ARHGAP10: variants seen among roughly 807,000 people sequenced by gnomAD.
ARHGAP10 encodes Rho GTPase activating protein 10.
A neutral mutation model predicts 108.6 loss-of-function variants in ARHGAP10; 87 were observed. The observed-to-expected ratio is 0.80, with a 90% CI of 0.67 to 0.96. The LOEUF (loss-of-function observed/expected upper bound fraction) is 0.96. ARHGAP10 is among the 40% of genes least tolerant of loss of function. ARHGAP10 has a pLI of 0.00. For synonymous variants in ARHGAP10, 347 were observed against 341.1 expected (o/e 1.02, Z -0.19); for missense variants, 939 against 954.5 (o/e 0.98, Z 0.21).
intron 7 of ARHGAP10, among the ~76,000 whole-genome samples, chr4:147,871,250 G>A (rs925636006): frequency 7.9e-5 from 12 of 151,988 alleles, no homozygotes; most frequent in African/African-American, 2.4e-4. Flanking sequence ...GAGCCACCAC[G>A]TCCGGCCGTG....
chr4:148,038,608 TAGA>T (rs1728484325), intron 19 of ARHGAP10, among the ~76,000 whole-genome samples: 1 of 152,140 alleles, frequency 6.6e-6, no homozygotes. Context: ...ACAGCATCAT[TAGA>T]AGAGACACAT....
At chr4:147,792,104 C>T (rs958045944) in intron 1 of ARHGAP10, among the ~76,000 whole-genome samples, 5 of 152,202 alleles carry the variant, frequency 3.3e-5, no homozygotes, top group South Asian at 2.1e-4. Flanking sequence ...CACCTTTACT[C>T]GATAGTACAC....
chr4:147,784,607 T>A (rs1306147971), intron 1 of ARHGAP10, among the ~76,000 whole-genome samples: 12 of 112,552 alleles, frequency 1.1e-4, no homozygotes, highest in African/African-American at 3.8e-4. Context: ...ATTATATATT[T>A]AAAATAGAAT....
At chr4:147,926,989 G>T (rs1737488403) in intron 13 of ARHGAP10, among the ~76,000 whole-genome samples, 1 of 152,160 alleles carries the variant, frequency 6.6e-6, no homozygotes, top group South Asian at 2.1e-4. Flanking sequence ...ATGAGCCCCT[G>T]AAGTGAAGAA....
chr4:147,890,695 T>C (rs1735765321), intron 10 of ARHGAP10, among the ~76,000 whole-genome samples: 1 of 151,992 alleles, frequency 6.6e-6, no homozygotes, highest in South Asian at 2.1e-4. Context: ...GGTGTGGTGG[T>C]GGGTGCCTAT....
intron 7 of ARHGAP10, among the ~76,000 whole-genome samples, chr4:147,874,040 A>G (rs1449204279): frequency 6.6e-6 from 1 of 151,678 alleles, no homozygotes; most frequent in African/African-American, 2.4e-5. Flanking sequence ...AAAAAACAAC[A>G]AACCTCTGCA....
rs913591224 is a variant in ARHGAP10 at position 147,937,139 on chromosome 4, G to A, written c.1229-2686G>A. Among the ~76,000 whole-genome samples the A allele has an allele frequency of 4.6e-5, 7 of 152,184 alleles. 1 individual carries two copies. Among genetic ancestry groups the A allele is most frequent in the East Asian group, 1.9e-4 (1 of 5,188 alleles). On this transcript the variant is annotated intron_variant, in intron 13 of 22. Coordinates refer to ENST00000336498, the MANE Select transcript of ARHGAP10 (RefSeq NM_024605.4). ...CCCTGGTGCCAAAAAGGTTGGGGAT[G>A]GGGGCTGCTGAATAAACAATAGAAA...
intron 10 of ARHGAP10, among the ~76,000 whole-genome samples, chr4:147,889,632 C>T (rs554862912): frequency 1.8e-4 from 28 of 151,982 alleles, no homozygotes; most frequent in African/African-American, 2.6e-4. Flanking sequence ...AGCAATTTCT[C>T]AGTTGATTGT....
At chr4:147,856,435 C>T (rs4240340) in intron 4 of ARHGAP10, among the ~76,000 whole-genome samples, 138,693 of 152,242 alleles carry the variant, frequency 0.91, 64,320 homozygotes, top group Non-Finnish European at 1. Context: ...CTATACAGGT[C>T]GATCATCCTG....
intron 1 of ARHGAP10, among the ~76,000 whole-genome samples, chr4:147,742,816 T>G (rs1297866270): frequency 2.0e-5 from 3 of 152,024 alleles, no homozygotes; most frequent in African/African-American, 7.2e-5. Flanking sequence ...AATCATATTT[T>G]GAAGCACAGA....
intron 1 of ARHGAP10, among the ~76,000 whole-genome samples, chr4:147,798,765 CTCTCTCTCTCTCTCTCTATATATATA>C (rs1199827690): frequency 5.5e-3 from 48 of 8,800 alleles, no homozygotes; most frequent in East Asian, 0.011. Context: ...CTCTCTCTCT[CTCTCTCTCTCTCTCTCTATATATATA>C]TATATATATA....
intron 16 of ARHGAP10, among the ~76,000 whole-genome samples, chr4:147,958,113 C>T (rs1372800577): frequency 6.6e-6 from 1 of 152,076 alleles, no homozygotes; most frequent in African/African-American, 2.4e-5. Context: ...AGATTGTGTC[C>T]ACCACAGGCA....
chr4:147,827,423 G>A (rs1732755519), intron 3 of ARHGAP10, among the ~76,000 whole-genome samples: 3 of 152,174 alleles, frequency 2.0e-5, no homozygotes, highest in Admixed American at 6.5e-5. Flanking sequence ...TACAAAGTGC[G>A]CCAGCAAAGA....
chr4:147,764,882 G>A (rs528692872), intron 1 of ARHGAP10, among the ~76,000 whole-genome samples: 1 of 152,272 alleles, frequency 6.6e-6, no homozygotes, highest in Admixed American at 6.5e-5. Flanking sequence ...GTGCTGAGGA[G>A]CTGTAAGTTT....
chr4:148,059,554 T>A (rs1271889986), intron 20 of ARHGAP10, among the ~76,000 whole-genome samples: 2 of 152,148 alleles, frequency 1.3e-5, no homozygotes, highest in Non-Finnish European at 2.9e-5. Context: ...AATGAGCTTT[T>A]AATTATTATT....
intron 7 of ARHGAP10, among the ~76,000 whole-genome samples, chr4:147,874,707 GTAA>G (rs1319543415): frequency 6.6e-6 from 1 of 152,140 alleles, no homozygotes; most frequent in Non-Finnish European, 1.5e-5. Flanking sequence ...CTAAAATTTA[GTAA>G]TAGTGTGAGA....
chr4:147,951,494 G>T (rs1021128565), intron 15 of ARHGAP10, among the ~76,000 whole-genome samples: 1 of 150,642 alleles, frequency 6.6e-6, no homozygotes, highest in African/African-American at 2.4e-5. Context: ...TTTCACTCAT[G>T]CATTAAATTT....
intron 15 of ARHGAP10, among the ~76,000 whole-genome samples, chr4:147,949,819 C>T (rs1362153622): frequency 2.2e-5 from 3 of 137,614 alleles, no homozygotes; most frequent in Non-Finnish European, 4.9e-5. Context: ...TGGAAATCCA[C>T]CTTTTTGGCA....
intron 1 of ARHGAP10, among the ~76,000 whole-genome samples, chr4:147,771,082 C>T (rs970745537): frequency 1.6e-4 from 24 of 152,216 alleles, no homozygotes; most frequent in African/African-American, 5.3e-4. Flanking sequence ...ACCCTATGTT[C>T]CCTGTAATCC....
Sources: gnomAD v4.1 joint callset for allele counts (sites outside exome capture counted in the v4.1 genomes callset) on GRCh38, gnomAD v4.1.1 for gene constraint, MANE v1.5 for transcripts, NCBI Gene and HGNC (gene_info 2026-07-23, HGNC 2026-07-21) for gene names.